Variants in CDCP1 observed in about 807,000 individuals in gnomAD.
CDCP1 encodes the protein CUB domain containing protein 1, also known as CUB domain-containing protein 1.
A neutral mutation model predicts 60.2 loss-of-function variants in CDCP1; 29 were observed. The ratio of observed to expected loss-of-function variants is 0.48; its 90% confidence interval spans 0.36 to 0.66. The LOEUF is 0.66. Ranked by LOEUF, CDCP1 falls within the 30% of genes least tolerant of loss-of-function variation. CDCP1 has a pLI of 0.00. For synonymous variants in CDCP1, 387 were observed against 431.1 expected (o/e 0.90, Z 1.27); for missense variants, 876 against 1,074.3 (o/e 0.82, Z 2.58).
chr3:45,091,364 G>A lies in CDCP1; in HGVS notation c.1802C>T (p.Thr601Ile), dbSNP rs780970552. 3 of 1,614,072 alleles carry A rather than the reference G, an allele frequency of 1.9e-6. No homozygotes were observed. Among genetic ancestry groups the A allele is most frequent in the South Asian group, 1.1e-5 (1 of 91,084 alleles). The change falls in exon 7 of 9, where the codon ACA (threonine) becomes ATA (isoleucine). Residue 601 changes from threonine (T) to isoleucine (I), a missense_variant. Thr to Ile is a moderately conservative substitution (Grantham distance 89). This residue lies in a region of CDCP1 where 726 missense variants were observed against 935.7 expected (regional missense o/e 0.78). Coordinates refer to ENST00000296129, the MANE Select transcript of CDCP1 (RefSeq NM_022842.5). This position sits in a 1 kb window ranked among gnomAD's most constrained non-coding sequence, Gnocchi z 4.8. Reference sequence around the variant, plus strand: ...CTGGATGATCATGAATGCGCGCCCTGTCTGGCAGACCACGCCGCTCCGCTC... The same window carrying A: ...CTGGATGATCATGAATGCGCGCCCTATCTGGCAGACCACGCCGCTCCGCTC... ...FKERSGVVCQ[T>I]GRAFMIIQEQ...
chr3:45,146,307 C>A lies in CDCP1; in HGVS notation c.-20G>T. On this transcript the variant is annotated 5_prime_UTR_variant, in exon 1 of 9. The change creates a new upstream start codon in the 5' untranslated region. Transcript: ENST00000296129. ...GGCCATGACTCCGGGACGCCTCGGC[C>A]TCGGTGGGGAAAACGACGGTGGGGA... 1 of 1,551,528 alleles carries A rather than the reference C, an allele frequency of 6.4e-7. No homozygotes were observed. The highest frequency in any genetic ancestry group is 8.7e-7 in the Non-Finnish European group (1 of 1,153,452).
intron 4 of CDCP1, among the ~76,000 whole-genome samples, chr3:45,098,995 A>G (rs1216570708): frequency 6.6e-6 from 1 of 152,120 alleles, no homozygotes; most frequent in Non-Finnish European, 1.5e-5. Context: ...CAATGCTCTA[A>G]TCTAAAGGGG....
chr3:45,089,428 T>G (rs1389966704), intron 7 of CDCP1, among the ~76,000 whole-genome samples: 1 of 152,192 alleles, frequency 6.6e-6, no homozygotes, highest in African/African-American at 2.4e-5. Flanking sequence ...ATGTAAGAAG[T>G]CTGACTATGC....
At chr3:45,106,622 T>G (rs73089329) in intron 4 of CDCP1, among the ~76,000 whole-genome samples, 12,747 of 152,048 alleles carry the variant, frequency 0.084, 743 homozygotes, top group African/African-American at 0.17. Flanking sequence ...TGGGAGGAGT[T>G]TAGTAAGATG....
intron 3 of CDCP1, 128 bp downstream of exon 3, chr3:45,111,955 C>A (rs1698701298): frequency 8.2e-7 from 1 of 1,221,246 alleles, no homozygotes; most frequent in East Asian, 2.5e-5. Flanking sequence ...TATAAGAGAG[C>A]TAGATCTTCC....
At chr3:45,117,774 T>G (rs560790647) in intron 2 of CDCP1, among the ~76,000 whole-genome samples, 18 of 152,232 alleles carry the variant, frequency 1.2e-4, no homozygotes, top group South Asian at 4.2e-4. Flanking sequence ...TTTTTGTGTT[T>G]TTAGTAGAGA....
chr3:45,111,782 G>A (rs1698697391), intron 3 of CDCP1, among the ~76,000 whole-genome samples: 1 of 152,222 alleles, frequency 6.6e-6, no homozygotes, highest in South Asian at 2.1e-4. Context: ...AGAGATGGAA[G>A]ACAAAGAAGT....
chr3:45,137,888 A>G (rs1699216817), intron 1 of CDCP1, among the ~76,000 whole-genome samples: 1 of 152,150 alleles, frequency 6.6e-6, no homozygotes. Context: ...GTACCTGATA[A>G]GACTGTCAGA....
At chr3:45,088,725 C>T (rs1207536927) in intron 8 of CDCP1, among the ~76,000 whole-genome samples, 2 of 152,164 alleles carry the variant, frequency 1.3e-5, no homozygotes, top group African/African-American at 4.8e-5. Context: ...GCAGAGCCTA[C>T]GTGAGCATTT....
rs1453245257 is a variant in CDCP1 at position 45,117,208 on chromosome 3, G to A, written c.292+1204C>T. ...ACATCTATTCATCCTATTTGACATG[G>A]CCCCCTTAAAATGATTGAGAAATTA... On this transcript the variant is annotated intron_variant, in intron 2 of 8. Coordinates refer to ENST00000296129, the MANE Select transcript of CDCP1 (RefSeq NM_022842.5). 2.0e-5 allele frequency among the ~76,000 whole-genome samples: 3 copies of A among 151,954 alleles called. No individual in the cohort carries two copies. The East Asian group carries it at 5.8e-4, about 29-fold the overall frequency.
At chr3:45,087,164 C>A (rs1423444431) in intron 8 of CDCP1, among the ~76,000 whole-genome samples, 1 of 152,212 alleles carries the variant, frequency 6.6e-6, no homozygotes, top group East Asian at 1.9e-4. Flanking sequence ...TCTCACTCAT[C>A]ATTGTCCCCA....
intron 8 of CDCP1, among the ~76,000 whole-genome samples, chr3:45,087,953 C>T (rs12494845): frequency 0.25 from 38,273 of 151,164 alleles, 5,222 homozygotes; most frequent in Non-Finnish European, 0.31. Context: ...ACCCGGGAGG[C>T]GGAGGTTGCG....
In CDCP1 at chr3:45,095,310, C is replaced by T. The variant is rs1169063810; in HGVS notation, c.1246+37G>A. 2.5e-6 allele frequency: 4 copies of T among 1,583,562 alleles called. No homozygotes were observed. The Admixed American group carries it at 5.0e-5, about 20-fold the overall frequency. On this transcript the variant is annotated intron_variant, in intron 5 of 8. Transcript: ENST00000296129. Reference sequence around the variant, plus strand: ...GCAAGGCGGGGAGAGAAGAGCTATCCATGGCCAGGGACAAATGCACTGATT... The same window carrying T: ...GCAAGGCGGGGAGAGAAGAGCTATCTATGGCCAGGGACAAATGCACTGATT...
chr3:45,134,744 G>A (rs1022168443), intron 1 of CDCP1, among the ~76,000 whole-genome samples: 2 of 152,120 alleles, frequency 1.3e-5, no homozygotes, highest in African/African-American at 4.8e-5. Flanking sequence ...AGGCAGCCCA[G>A]GATAAACAGA....
intron 8 of CDCP1, among the ~76,000 whole-genome samples, chr3:45,087,109 T>C (rs1337691787): frequency 7.7e-6 from 1 of 129,824 alleles, no homozygotes; most frequent in African/African-American, 3.0e-5. Context: ...ACTGACTGTT[T>C]ATTTGCCTGT....
At chr3:45,105,866 G>T (rs1218671027) in intron 4 of CDCP1, among the ~76,000 whole-genome samples, 1 of 152,154 alleles carries the variant, frequency 6.6e-6, no homozygotes, top group African/African-American at 2.4e-5. Flanking sequence ...AAAGGAGAGG[G>T]TGCATTGTGG....
rs558114547 is a variant in CDCP1, at chr3:45,120,653, T to C, written c.83-2032A>G. ...GACTGCAAGAGTGCTTAGATTTCCATTTTTGGGGCAAAACTTCTTGTCTTT... is the reference window on the plus strand; with the variant it reads ...GACTGCAAGAGTGCTTAGATTTCCACTTTTGGGGCAAAACTTCTTGTCTTT... On this transcript the variant is annotated intron_variant, in intron 1 of 8. Transcript: ENST00000296129. Among the ~76,000 whole-genome samples, 31 of 152,304 alleles carry C rather than the reference T, an allele frequency of 2.0e-4. No homozygotes were observed. In the South Asian group the frequency reaches 6.0e-3, roughly 30 times the overall value.
chr3:45,133,141 A>G (rs1699126808), intron 1 of CDCP1, among the ~76,000 whole-genome samples: 1 of 152,168 alleles, frequency 6.6e-6, no homozygotes, highest in Non-Finnish European at 1.5e-5. Context: ...GGTCTCTGAA[A>G]GCTGAGAGCA....
At chr3:45,141,512 A>C (rs1297323482) in intron 1 of CDCP1, among the ~76,000 whole-genome samples, 1 of 152,254 alleles carries the variant, frequency 6.6e-6, no homozygotes, top group Non-Finnish European at 1.5e-5. Flanking sequence ...GTTTTCATAC[A>C]GAATGTCTGG....
Sources: allele counts gnomAD v4.1 joint callset (sites outside exome capture counted in the v4.1 genomes callset), GRCh38; gene constraint gnomAD v4.1.1; regional missense constraint gnomAD v4.1.1; non-coding constraint Gnocchi (gnomAD v3.1); transcripts MANE v1.5; gene names NCBI Gene and HGNC (gene_info 2026-07-23, HGNC 2026-07-21).